Variants in LARS1 observed in about 807,000 individuals in gnomAD.
LARS1 encodes the protein leucyl-tRNA synthetase 1, also known as leucine--tRNA ligase, cytoplasmic.
In LARS1, 100 loss-of-function variants were observed where a neutral mutation model predicts 162.8. The ratio of observed to expected loss-of-function variants is 0.61; its 90% CI spans 0.52 to 0.73. LARS1 has a LOEUF of 0.73. Ranked by LOEUF, LARS1 falls within the 30% of genes least tolerant of loss-of-function variation. The probability of loss-of-function intolerance (pLI) is 0.00; values close to 1 mark genes in which losing one functional copy is unlikely to be tolerated. For missense variants in LARS1, 1,258 were observed against 1,408.9 expected, an observed-to-expected ratio of 0.89 and a Z score of 1.71; for synonymous variants, 457 against 462.8, an observed-to-expected ratio of 0.99 and a Z score of 0.16.
intron 10 of LARS1, 77 bp downstream of exon 10, chr5:146,157,326 C>T: frequency 3.1e-6 from 4 of 1,275,812 alleles, no homozygotes; most frequent in Non-Finnish European, 1.1e-6. Flanking sequence ...GGTTGTAATG[C>T]TCTTTTCTCA....
intron 26 of LARS1, 94 bp from the exon 27 acceptor site, chr5:146,128,876 A>T: frequency 1.4e-6 from 2 of 1,418,346 alleles, no homozygotes; most frequent in Non-Finnish European, 1.9e-6. Context: ...CACGGTCTTC[A>T]CCATTAATGA....
At chr5:146,120,593 C>A in intron 30 of LARS1, 90 bp from the exon 31 acceptor site, 2 of 1,276,430 alleles carry the variant, frequency 1.6e-6, no homozygotes, top group Middle Eastern at 1.9e-4. Flanking sequence ...CAATGAAAGA[C>A]AGATCTAATT....
intron 29 of LARS1, among the ~76,000 whole-genome samples, chr5:146,123,069 T>C (rs937728587): frequency 1.6e-4 from 25 of 152,008 alleles, no homozygotes; most frequent in Admixed American, 2.6e-4. Flanking sequence ...TACATGAATA[T>C]ATATGAACAT....
intron 2 of LARS1, among the ~76,000 whole-genome samples, chr5:146,174,589 T>TATATATATATATATATCC (rs1561498518): frequency 4.3e-3 from 21 of 4,920 alleles, no homozygotes; most frequent in African/African-American, 7.1e-3. Flanking sequence ...TATATATCCA[T>TATATATATATATATATCC]ATATATATAT....
Position 146,182,557 on chromosome 5 carries a change from G to A in LARS1, c.-64C>T, listed in dbSNP as rs373671706. 1 of 1,611,496 alleles carries A rather than the reference G, an allele frequency of 6.2e-7. No individual in the cohort carries two copies. Among genetic ancestry groups the A allele is most frequent in the Admixed American group, 1.7e-5 (1 of 59,980 alleles). ...CCCTGGCGACCTCCACAAAGGAGTGGTTACCTTTCCCCTCCCTCTCGGGGA... is the reference window on the plus strand; with the variant it reads ...CCCTGGCGACCTCCACAAAGGAGTGATTACCTTTCCCCTCCCTCTCGGGGA... On this transcript the variant is annotated 5_prime_UTR_variant, in exon 1 of 32. Transcript: ENST00000394434.
chr5:146,121,284 T>TC (rs901937114), intron 30 of LARS1, among the ~76,000 whole-genome samples: 1 of 151,970 alleles, frequency 6.6e-6, no homozygotes, highest in Non-Finnish European at 1.5e-5. Context: ...GTGGCAAAAG[T>TC]AAAAAAACAT....
chr5:146,117,907 G>A (rs1179135544), intron 31 of LARS1, among the ~76,000 whole-genome samples: 2 of 152,200 alleles, frequency 1.3e-5, no homozygotes, highest in African/African-American at 4.8e-5. Flanking sequence ...GAACAGTGTG[G>A]TGCGAATGTA....
At chr5:146,174,991 G>A (rs1754490035) in intron 2 of LARS1, among the ~76,000 whole-genome samples, 2 of 152,146 alleles carry the variant, frequency 1.3e-5, no homozygotes, top group African/African-American at 4.8e-5. Flanking sequence ...AGGCCGGGGT[G>A]GGCAGATCAC....
chr5:146,153,192 CA>C lies in LARS1; in HGVS notation c.1265del (p.Met422ArgfsTer22). 6.2e-7 allele frequency: 1 copy of C among 1,613,154 alleles called. No individual in the cohort carries two copies. On this transcript the variant is annotated frameshift_variant, in exon 13 of 32. Transcript: ENST00000394434. LOFTEE classifies it high-confidence loss of function. ...TACTCACCGGCTCAAATGGCAAGACCATGTCATCTCTAATTCCATATTTTGC... is the reference window on the plus strand; with the variant it reads ...TACTCACCGGCTCAAATGGCAAGACCTGTCATCTCTAATTCCATATTTTGC... Reference protein sequence around the residue: ...LRAKYGIRDDMVLPFEPVPVI... With the variant: ...LRAKYGIRDDXVLPFEPVPVI...
chr5:146,116,075 C>A (rs1197355119), intron 31 of LARS1, among the ~76,000 whole-genome samples: 1 of 152,186 alleles, frequency 6.6e-6, no homozygotes, highest in Non-Finnish European at 1.5e-5. Flanking sequence ...ACCACAAAAG[C>A]AAACCCTGTC....
intron 13 of LARS1, among the ~76,000 whole-genome samples, chr5:146,152,266 A>C (rs188168661): frequency 2.6e-5 from 4 of 151,926 alleles, no homozygotes; most frequent in Non-Finnish European, 4.4e-5. Flanking sequence ...CCAACACTCT[A>C]TCCTCCACTG....
intron 31 of LARS1, among the ~76,000 whole-genome samples, chr5:146,119,122 T>C (rs964614390): frequency 1.3e-5 from 2 of 152,196 alleles, no homozygotes; most frequent in African/African-American, 4.8e-5. Flanking sequence ...ACATTTTACC[T>C]GTACCTTTCT....
At chr5:146,128,645 G>T (rs201415511) in intron 27 of LARS1, 27 bp downstream of exon 27, 47 of 1,448,098 alleles carry the variant, frequency 3.2e-5, no homozygotes, top group Non-Finnish European at 4.3e-5. Context: ...ACACCATCAG[G>T]GGGGAAAAGT....
rs1299410867 is a variant in LARS1 at position 146,114,270 on chromosome 5, A to G, written c.3367T>C (p.Leu1123=). 6.2e-7 allele frequency: 1 copy of G among 1,613,922 alleles called. No individual in the cohort carries two copies. The highest frequency in any genetic ancestry group is 8.5e-7 in the Non-Finnish European group (1 of 1,180,010). The change falls in exon 32 of 32, where the codon TTG becomes CTG. Residue 1123 remains leucine (L), a synonymous_variant. Transcript: ENST00000394434. ...VKLMRFDDPL[L]GPRRVPVLGK... ...AGGACAGGAACTCGTCGAGGCCCCAACAGTGGATCATCAAATCTCATCAGT... is the reference window on the plus strand; with the variant it reads ...AGGACAGGAACTCGTCGAGGCCCCAGCAGTGGATCATCAAATCTCATCAGT...
At position 146,171,980 on chromosome 5, in the gene LARS1, C is replaced by T; in HGVS notation, c.224G>A (p.Gly75Glu). 6.2e-7 allele frequency: 1 copy of T among 1,612,744 alleles called. No homozygotes were observed. Among genetic ancestry groups the T allele is most frequent in the East Asian group, 2.2e-5 (1 of 44,816 alleles). The part of the protein sequence containing the change: ...FSLSKCEFAV[G>E]YQRLKGKCCL... ...ACATTTTCCTTTCAATCGCTGGTAC[C>T]CTACAGCAAACTACAGAAATAAAAT... The change falls in exon 4 of 32, where the codon GGG becomes GAG. Residue 75 changes from glycine to glutamate, a missense_variant. Transcript: ENST00000394434.
At position 146,177,539 on chromosome 5, in the gene LARS1, T is replaced by C. The variant is rs901597248; in HGVS notation, c.125+8A>G. 1 of 1,171,706 alleles carries C rather than the reference T, an allele frequency of 8.5e-7. No homozygotes were observed. The highest frequency in any genetic ancestry group is 1.2e-6 in the Non-Finnish European group (1 of 800,946). 72.6% of individuals were successfully genotyped at this position (1,171,706 alleles called of 1,614,324 possible). Reference sequence around the variant, plus strand: ...ACAATGTGCAGAACTTCACAAACTATTACTCACCTGGTCTGTTTCTCTAAA... The same window carrying C: ...ACAATGTGCAGAACTTCACAAACTACTACTCACCTGGTCTGTTTCTCTAAA... On this transcript the variant is annotated splice_region_variant and intron_variant, in intron 2 of 31. Coordinates refer to ENST00000394434, the MANE Select transcript of LARS1 (RefSeq NM_020117.11).
In LARS1 at chr5:146,144,545, T is replaced by A. The variant is rs1382724434; in HGVS notation, c.1590-8A>T. The A allele has an allele frequency of 6.2e-7, 1 of 1,613,494 alleles. No individual in the cohort carries two copies. The highest frequency in any genetic ancestry group is 8.5e-7 in the Non-Finnish European group (1 of 1,179,860). On this transcript the variant is annotated splice_polypyrimidine_tract_variant and splice_region_variant and intron_variant, in intron 16 of 31. Transcript: ENST00000394434. ...TCTCCATAATCCAAGTACCTGGGAG[T>A]GGACAAATTGATATGTTTTTTTTTA... is the stretch of plus-strand genomic sequence containing the variant.
At position 146,113,760 on chromosome 5, in the gene LARS1, C is replaced by A; in HGVS notation, c.*346G>T. 1 of 213,476 alleles carries A rather than the reference C, an allele frequency of 4.7e-6. No homozygotes were observed. Among genetic ancestry groups the A allele is most frequent in the Admixed American group, 5.2e-5 (1 of 19,368 alleles). 13.2% of individuals were successfully genotyped at this position (213,476 alleles called of 1,614,324 possible). On this transcript the variant is annotated 3_prime_UTR_variant, in exon 32 of 32. Coordinates refer to ENST00000394434, the MANE Select transcript of LARS1 (RefSeq NM_020117.11). ...TACTATAAAAAGCTGTTAGGTACAC[C>A]TTAGCCTTCATCAAAGTATAAAGTA...
chr5:146,152,083 T>G, intron 13 of LARS1, 81 bp from the exon 14 acceptor site: 1 of 1,459,258 alleles, frequency 6.9e-7, no homozygotes. Context: ...TTGCCTCTAA[T>G]GTCCAATTAA....
Sources: gnomAD v4.1 joint callset for allele counts (sites outside exome capture counted in the v4.1 genomes callset) on GRCh38, gnomAD v4.1.1 for gene constraint, MANE v1.5 for transcripts, NCBI Gene and HGNC (gene_info 2026-07-23, HGNC 2026-07-21) for gene names.